Variants in ATRNL1 observed in about 807,000 individuals in gnomAD.
ATRNL1 encodes attractin-like protein 1.
In ATRNL1, 95 loss-of-function variants were observed where a neutral mutation model predicts 182.7. That is an observed-to-expected ratio of 0.52 (90% CI 0.44 to 0.62). ATRNL1 has a LOEUF of 0.62. Ranked by LOEUF, ATRNL1 falls within the 20% of genes least tolerant of loss-of-function variation. The probability of loss-of-function intolerance (pLI) is 0.00; values close to 1 mark genes in which losing one functional copy is unlikely to be tolerated. For synonymous variants in ATRNL1, 576 were observed against 568.3 expected, an observed-to-expected ratio of 1.01 and a Z score of -0.19; for missense variants, 1,471 against 1,679.5, an observed-to-expected ratio of 0.88 and a Z score of 2.17.
intron 19 of ATRNL1, among the ~76,000 whole-genome samples, chr10:115,346,754 A>G (rs1159884927): frequency 6.6e-6 from 1 of 152,090 alleles, no homozygotes; most frequent in Non-Finnish European, 1.5e-5. Flanking sequence ...TTGAATTGAA[A>G]AAGTTCTATA....
At chr10:115,394,851 G>A (rs932427637) in intron 20 of ATRNL1, 99 bp downstream of exon 20, 3 of 883,418 alleles carry the variant, frequency 3.4e-6, no homozygotes, top group Non-Finnish European at 5.1e-6. Context: ...TGCTAGTTAG[G>A]CATACCTTTA....
At chr10:115,487,464 G>C (rs1223010437) in intron 24 of ATRNL1, among the ~76,000 whole-genome samples, 2 of 152,124 alleles carry the variant, frequency 1.3e-5, no homozygotes, top group African/African-American at 4.8e-5. Flanking sequence ...CACATCCCTT[G>C]TAAGTTGTAT....
intron 26 of ATRNL1, among the ~76,000 whole-genome samples, chr10:115,623,505 T>C (rs1555023720): frequency 6.6e-6 from 1 of 152,154 alleles, no homozygotes; most frequent in Admixed American, 6.5e-5. Flanking sequence ...GAGAAAAATC[T>C]ATAGTCTTAA....
chr10:115,863,234 A>G (rs2134396071), intron 28 of ATRNL1, among the ~76,000 whole-genome samples: 1 of 152,304 alleles, frequency 6.6e-6, no homozygotes, highest in Admixed American at 6.5e-5. Flanking sequence ...AAAATGAAAT[A>G]CGAACTGTAA....
intron 28 of ATRNL1, among the ~76,000 whole-genome samples, chr10:115,895,963 A>C (rs896108395): frequency 1.3e-5 from 2 of 152,196 alleles, no homozygotes; most frequent in African/African-American, 4.8e-5. Flanking sequence ...AATTCGATCT[A>C]CCAGGTGGAT....
chr10:115,493,925 G>A (rs1554977392), intron 24 of ATRNL1, among the ~76,000 whole-genome samples: 1 of 152,036 alleles, frequency 6.6e-6, no homozygotes, highest in Non-Finnish European at 1.5e-5. Flanking sequence ...TTTGAAATGT[G>A]TCAGTTTGTG....
intron 27 of ATRNL1, among the ~76,000 whole-genome samples, chr10:115,809,110 C>T (rs542566709): frequency 6.6e-6 from 1 of 152,006 alleles, no homozygotes; most frequent in South Asian, 2.1e-4. Context: ...CATTGGATTA[C>T]CTTAACCACT....
At chr10:115,634,258 A>G (rs1249637473) in intron 26 of ATRNL1, among the ~76,000 whole-genome samples, 2 of 152,152 alleles carry the variant, frequency 1.3e-5, no homozygotes, top group Non-Finnish European at 2.9e-5. Flanking sequence ...TTTCCGACTC[A>G]CTGTAATGAA....
chr10:115,568,372 T>C (rs1854191940), intron 26 of ATRNL1, among the ~76,000 whole-genome samples: 1 of 152,108 alleles, frequency 6.6e-6, no homozygotes, highest in Admixed American at 6.6e-5. Flanking sequence ...ACAATTTAAG[T>C]ATATCCATTG....
chr10:115,592,166 C>T (rs1490233149), intron 26 of ATRNL1, among the ~76,000 whole-genome samples: 1 of 152,030 alleles, frequency 6.6e-6, no homozygotes, highest in Non-Finnish European at 1.5e-5. Context: ...CTGGGGACTA[C>T]TAGGGGTGGA....
At chr10:115,355,821 C>T (rs955778245) in intron 19 of ATRNL1, among the ~76,000 whole-genome samples, 1 of 151,420 alleles carries the variant, frequency 6.6e-6, no homozygotes, top group Non-Finnish European at 1.5e-5. Flanking sequence ...GTTTTTAGTT[C>T]ATTTTGTTGA....
chr10:115,331,311 C>G (rs1855209675), intron 18 of ATRNL1, among the ~76,000 whole-genome samples: 1 of 152,216 alleles, frequency 6.6e-6, no homozygotes, highest in Non-Finnish European at 1.5e-5. Context: ...CTGTCTGCCT[C>G]AGCTTCCCAG....
intron 19 of ATRNL1, among the ~76,000 whole-genome samples, chr10:115,335,756 G>A (rs1855452257): frequency 6.6e-6 from 1 of 152,154 alleles, no homozygotes; most frequent in Non-Finnish European, 1.5e-5. Context: ...CTAATACAAT[G>A]CCTATATTTC....
At chr10:115,288,641 C>G (rs1329366040) in intron 15 of ATRNL1, among the ~76,000 whole-genome samples, 4 of 152,004 alleles carry the variant, frequency 2.6e-5, no homozygotes, top group Non-Finnish European at 5.9e-5. Context: ...TCCGCCTCAG[C>G]CTCCCGAGTA....
chr10:115,633,852 A>G (rs1457023945), intron 26 of ATRNL1, among the ~76,000 whole-genome samples: 2 of 152,156 alleles, frequency 1.3e-5, no homozygotes, highest in Non-Finnish European at 2.9e-5. Flanking sequence ...AAAGTGAGCA[A>G]TTTGATATTT....
Position 115,947,652 on chromosome 10 carries a change from G to A in ATRNL1, c.*2873G>A, listed in dbSNP as rs550410933. On this transcript the variant is annotated 3_prime_UTR_variant, in exon 29 of 29. Transcript: ENST00000355044. Reference sequence around the variant, plus strand: ...TCAGTAGGAAAACTTCAAATAGTTCGTATTTAAAAAGGTAATTGATCCTTG... The same window carrying A: ...TCAGTAGGAAAACTTCAAATAGTTCATATTTAAAAAGGTAATTGATCCTTG... The A allele has an allele frequency of 5.2e-5, 8 of 152,700 alleles. No individual in the cohort carries two copies. The highest frequency in any genetic ancestry group is 1.2e-4 in the African/African-American group (5 of 41,568). The allele number at this position is 152,700 out of a possible 1,614,324, so 9.5% of individuals were successfully genotyped here.
intron 27 of ATRNL1, among the ~76,000 whole-genome samples, chr10:115,735,135 T>C (rs567825598): frequency 1.8e-4 from 28 of 152,208 alleles, no homozygotes; most frequent in Non-Finnish European, 3.8e-4. Context: ...CTCACAGTTG[T>C]TCTTCGCCTT....
intron 27 of ATRNL1, among the ~76,000 whole-genome samples, chr10:115,820,671 C>T (rs1399458930): frequency 6.6e-6 from 1 of 152,058 alleles, no homozygotes; most frequent in Admixed American, 6.6e-5. Flanking sequence ...CTCTAGAGCA[C>T]CCCTTCAGAT....
chr10:115,406,790 T>C (rs1844852502), intron 20 of ATRNL1, among the ~76,000 whole-genome samples: 1 of 152,168 alleles, frequency 6.6e-6, no homozygotes, highest in African/African-American at 2.4e-5. Context: ...ATATGTTTAG[T>C]AAATGTCACT....
Sources: gnomAD v4.1 joint callset for allele counts (sites outside exome capture counted in the v4.1 genomes callset) on GRCh38, gnomAD v4.1.1 for gene constraint, MANE v1.5 for transcripts, NCBI Gene and HGNC (gene_info 2026-07-23, HGNC 2026-07-21) for gene names.